The following PPARGC1A variants were observed in gnomAD, a reference collection of about 807,000 sequenced individuals.
The protein encoded by PPARGC1A is PPARG coactivator 1 alpha.
In PPARGC1A, 25 loss-of-function variants were observed where a neutral mutation model predicts 88.7. That is an observed-to-expected ratio of 0.28 (90% CI 0.21 to 0.39). The LOEUF is 0.39. Ranked by LOEUF, PPARGC1A falls within the 10% of genes least tolerant of loss-of-function variation. The pLI is 1.00. For synonymous variants in PPARGC1A, 363 were observed against 355.6 expected (o/e 1.02, Z -0.24); for missense variants, 880 against 968.7 (o/e 0.91, Z 1.22).
At chr4:24,260,901 T>C in the PPARGC1A span, among the ~76,000 whole-genome samples, 1 of 152,312 alleles carries the variant, frequency 6.6e-6, no homozygotes, top group Middle Eastern at 3.4e-3. Context: ...TTAGCCCTTG[T>C]AGCTAGAGGC....
chr4:23,971,378 C>T, the PPARGC1A span, among the ~76,000 whole-genome samples: 1 of 152,148 alleles, frequency 6.6e-6, no homozygotes, highest in African/African-American at 2.4e-5. Flanking sequence ...AGGAAAACCA[C>T]CTGTATTAGT....
chr4:24,124,139 G>A, the PPARGC1A span, among the ~76,000 whole-genome samples: 111 of 152,122 alleles, frequency 7.3e-4, no homozygotes, highest in African/African-American at 2.1e-3. Flanking sequence ...AACGATAGCC[G>A]GATACACTAT....
the PPARGC1A span, among the ~76,000 whole-genome samples, chr4:24,056,237 G>C: frequency 4.6e-5 from 7 of 152,112 alleles, no homozygotes; most frequent in African/African-American, 1.7e-4. Context: ...AATACTCTCT[G>C]GGCTATCAAT....
the PPARGC1A span, among the ~76,000 whole-genome samples, chr4:24,235,520 T>G: frequency 3.9e-5 from 6 of 152,060 alleles, no homozygotes; most frequent in African/African-American, 1.4e-4. Flanking sequence ...AAAGTAGCAC[T>G]GATGTTTCTA....
chr4:23,842,220 G>C (rs1298297977), intron 2 of PPARGC1A, among the ~76,000 whole-genome samples: 2 of 152,154 alleles, frequency 1.3e-5, no homozygotes, highest in African/African-American at 4.8e-5. Context: ...TGCAGAAAGA[G>C]GAGGTTGCTT....
At chr4:24,314,626 GGTAA>G in the PPARGC1A span, among the ~76,000 whole-genome samples, 3 of 152,058 alleles carry the variant, frequency 2.0e-5, no homozygotes, top group Non-Finnish European at 2.9e-5. Flanking sequence ...AAAGATTTGC[GGTAA>G]GTATGACAAA....
At chr4:24,269,321 G>A in the PPARGC1A span, among the ~76,000 whole-genome samples, 2 of 151,902 alleles carry the variant, frequency 1.3e-5, no homozygotes, top group Non-Finnish European at 2.9e-5. Flanking sequence ...GTGGAAAAAT[G>A]GGTCTTCTTG....
the PPARGC1A span, among the ~76,000 whole-genome samples, chr4:24,110,083 C>T: frequency 6.6e-6 from 1 of 152,162 alleles, no homozygotes; most frequent in Non-Finnish European, 1.5e-5. Context: ...CTTCCTTCCA[C>T]GTGACTTATT....
chr4:24,063,269 G>A, the PPARGC1A span, among the ~76,000 whole-genome samples: 1 of 152,214 alleles, frequency 6.6e-6, no homozygotes, highest in Non-Finnish European at 1.5e-5. Context: ...CAGGCCAAGA[G>A]AGTCAACTCC....
At chr4:23,992,634 A>G in the PPARGC1A span, among the ~76,000 whole-genome samples, 2 of 150,000 alleles carry the variant, frequency 1.3e-5, no homozygotes, top group African/African-American at 4.9e-5. Flanking sequence ...TGTGATTGTT[A>G]ATCGTACCTT....
At chr4:24,251,327 T>C in the PPARGC1A span, among the ~76,000 whole-genome samples, 2 of 152,230 alleles carry the variant, frequency 1.3e-5, no homozygotes, top group Non-Finnish European at 2.9e-5. Flanking sequence ...ACTATGAAGA[T>C]TACATTAGTT....
At chr4:23,854,785 T>C (rs1217813733) in intron 2 of PPARGC1A, among the ~76,000 whole-genome samples, 1 of 152,082 alleles carries the variant, frequency 6.6e-6, no homozygotes, top group Non-Finnish European at 1.5e-5. Context: ...GCTTGGAATA[T>C]GGTAGACACC....
chr4:23,835,069 G>A (rs1725762545), intron 2 of PPARGC1A, among the ~76,000 whole-genome samples: 1 of 152,108 alleles, frequency 6.6e-6, no homozygotes, highest in Admixed American at 6.5e-5. Context: ...TTCAAAAACA[G>A]TTCAAGAAAA....
the PPARGC1A span, among the ~76,000 whole-genome samples, chr4:24,000,626 T>C: frequency 9.9e-5 from 15 of 152,218 alleles, no homozygotes; most frequent in East Asian, 1.5e-3. Flanking sequence ...TGGGGGAGAA[T>C]GTAACCCATT....
At chr4:24,120,274 C>T in the PPARGC1A span, among the ~76,000 whole-genome samples, 1 of 152,110 alleles carries the variant, frequency 6.6e-6, no homozygotes, top group Non-Finnish European at 1.5e-5. Flanking sequence ...AGCTAAGCCC[C>T]CAGACACCAC....
At chr4:24,146,092 T>G in the PPARGC1A span, among the ~76,000 whole-genome samples, 3 of 152,192 alleles carry the variant, frequency 2.0e-5, no homozygotes, top group Non-Finnish European at 4.4e-5. Flanking sequence ...TGTAACAAAG[T>G]AGAAAACATG....
At chr4:24,426,922 G>A in the PPARGC1A span, among the ~76,000 whole-genome samples, 3 of 152,146 alleles carry the variant, frequency 2.0e-5, no homozygotes, top group Non-Finnish European at 4.4e-5. Context: ...ACAGAGACTC[G>A]GGTACATTTT....
At chr4:24,007,218 C>CCTTT in the PPARGC1A span, among the ~76,000 whole-genome samples, 4 of 152,138 alleles carry the variant, frequency 2.6e-5, no homozygotes, top group African/African-American at 4.8e-5. Context: ...GCCCATCTCG[C>CCTTT]TCTCTCTCTT....
At chr4:24,132,169 A>G in the PPARGC1A span, among the ~76,000 whole-genome samples, 1 of 152,156 alleles carries the variant, frequency 6.6e-6, no homozygotes, top group Non-Finnish European at 1.5e-5. Flanking sequence ...AGATTGAGGC[A>G]GAGACATGAA....
Sources: gnomAD v4.1 joint callset for allele counts (sites outside exome capture counted in the v4.1 genomes callset) on GRCh38, gnomAD v4.1.1 for gene constraint, MANE v1.5 for transcripts, NCBI Gene and HGNC (gene_info 2026-07-23, HGNC 2026-07-21) for gene names.